Variants in GMDS observed in about 807,000 individuals in gnomAD.
GMDS encodes the protein GDP-mannose 4,6-dehydratase, also known as GDP-mannose 4,6 dehydratase.
GMDS carries 20 observed loss-of-function variants against 49.9 expected under a neutral mutation model. The ratio of observed to expected loss-of-function variants is 0.40; its 90% confidence interval spans 0.28 to 0.58. The LOEUF (loss-of-function observed/expected upper bound fraction) is 0.58, where lower values mean the gene tolerates loss of function less well. GMDS is among the 20% of genes least tolerant of loss of function. The probability of loss-of-function intolerance (pLI) is 0.42; values close to 1 mark genes in which losing one functional copy is unlikely to be tolerated. For missense variants in GMDS, 362 were observed against 481.4 expected, an observed-to-expected ratio of 0.75 and a Z score of 2.32; for synonymous variants, 177 against 178.6, an observed-to-expected ratio of 0.99 and a Z score of 0.07.
chr6:1,634,061 C>T (rs978318940), intron 9 of GMDS, among the ~76,000 whole-genome samples: 1 of 152,236 alleles, frequency 6.6e-6, no homozygotes, highest in African/African-American at 2.4e-5. Context: ...TCTTGCCCTG[C>T]ATGGCCCAAC....
intron 7 of GMDS, among the ~76,000 whole-genome samples, chr6:1,781,206 G>A (rs1435226889): frequency 6.6e-6 from 1 of 152,082 alleles, no homozygotes; most frequent in East Asian, 1.9e-4. Flanking sequence ...CCTCACGAAG[G>A]GGTCTCCAGC....
intron 4 of GMDS, among the ~76,000 whole-genome samples, chr6:2,095,812 A>G (rs1773573038): frequency 6.6e-6 from 1 of 152,204 alleles, no homozygotes; most frequent in African/African-American, 2.4e-5. Flanking sequence ...GTGCTGGATG[A>G]CAACTTTTAA....
At chr6:1,852,478 C>T (rs1337286079) in intron 7 of GMDS, among the ~76,000 whole-genome samples, 1 of 152,214 alleles carries the variant, frequency 6.6e-6, no homozygotes, top group Non-Finnish European at 1.5e-5. Flanking sequence ...GATACATTTT[C>T]TGTCCTGTGC....
chr6:2,127,036 T>C (rs554881907), intron 1 of GMDS, among the ~76,000 whole-genome samples: 3 of 152,314 alleles, frequency 2.0e-5, no homozygotes, highest in East Asian at 3.9e-4. Flanking sequence ...TTTAATCCCA[T>C]TCTTACAATT....
At chr6:1,787,325 A>G (rs1489613922) in intron 7 of GMDS, among the ~76,000 whole-genome samples, 2 of 152,220 alleles carry the variant, frequency 1.3e-5, no homozygotes, top group Admixed American at 6.5e-5. Context: ...TGTACCTCCA[A>G]GTGTACTACA....
At chr6:1,808,626 C>T (rs957224253) in intron 7 of GMDS, among the ~76,000 whole-genome samples, 6 of 152,120 alleles carry the variant, frequency 3.9e-5, no homozygotes, top group Admixed American at 3.3e-4. Flanking sequence ...GTGCCAGGTA[C>T]ATACATACAA....
At chr6:1,788,554 A>G (rs2113629426) in intron 7 of GMDS, among the ~76,000 whole-genome samples, 1 of 152,318 alleles carries the variant, frequency 6.6e-6, no homozygotes. Context: ...AAGGGGAACA[A>G]TAAGACCTGC....
chr6:2,131,051 A>C (rs1178844755), intron 1 of GMDS, among the ~76,000 whole-genome samples: 2 of 152,176 alleles, frequency 1.3e-5, no homozygotes, highest in East Asian at 3.9e-4. Context: ...TTTCACCTCC[A>C]ATAAAAGCCA....
At chr6:2,154,123 G>A (rs770350089) in intron 1 of GMDS, among the ~76,000 whole-genome samples, 60 of 152,120 alleles carry the variant, frequency 3.9e-4, no homozygotes, top group East Asian at 7.7e-4. Context: ...TTCCCAACAC[G>A]CACAATTCCA....
chr6:2,191,320 C>T lies in GMDS; in HGVS notation c.102+54001G>A, dbSNP rs1231832803. 1.3e-5 allele frequency among the ~76,000 whole-genome samples: 2 copies of T among 152,162 alleles called. No individual in the cohort carries two copies. The highest frequency in any genetic ancestry group is 2.9e-5 in the Non-Finnish European group (2 of 67,992). On this transcript the variant is annotated intron_variant, in intron 1 of 10. Coordinates refer to ENST00000380815, the MANE Select transcript of GMDS (RefSeq NM_001500.4). This position sits in a 1 kb window ranked among gnomAD's most constrained non-coding sequence, Gnocchi z 4.6. ...CCTGAGTGCGGGGGCCACGGGGGAGCTCACAGTGATGTCCCTGGACACCAG... is the reference window on the plus strand; with the variant it reads ...CCTGAGTGCGGGGGCCACGGGGGAGTTCACAGTGATGTCCCTGGACACCAG...
intron 9 of GMDS, among the ~76,000 whole-genome samples, chr6:1,680,364 G>A (rs1336748131): frequency 6.6e-6 from 1 of 152,214 alleles, no homozygotes; most frequent in East Asian, 1.9e-4. Context: ...CTGAGTGGCA[G>A]TAAATAAACA....
intron 1 of GMDS, among the ~76,000 whole-genome samples, chr6:2,153,578 C>T (rs948959426): frequency 6.6e-6 from 1 of 151,970 alleles, no homozygotes; most frequent in African/African-American, 2.4e-5. Flanking sequence ...AACTCATAAA[C>T]AGATTTACAG....
At chr6:1,915,156 C>T (rs1307477512) in intron 7 of GMDS, among the ~76,000 whole-genome samples, 1 of 152,228 alleles carries the variant, frequency 6.6e-6, no homozygotes, top group Non-Finnish European at 1.5e-5. Flanking sequence ...CATAAAGAAG[C>T]TGGACACTTG....
chr6:1,935,067 T>A (rs1762461718), intron 6 of GMDS, among the ~76,000 whole-genome samples: 1 of 152,244 alleles, frequency 6.6e-6, no homozygotes, highest in African/African-American at 2.4e-5. Context: ...GGAACCCCTA[T>A]AATTAACTTA....
intron 7 of GMDS, among the ~76,000 whole-genome samples, chr6:1,898,236 G>C (rs544801532): frequency 6.6e-6 from 1 of 152,364 alleles, no homozygotes; most frequent in South Asian, 2.1e-4. Flanking sequence ...AGAGACCCTG[G>C]AGGCCTTTCC....
chr6:1,835,753 A>G (rs902128377), intron 7 of GMDS, among the ~76,000 whole-genome samples: 6 of 152,212 alleles, frequency 3.9e-5, no homozygotes, highest in Admixed American at 6.5e-5. Context: ...TCTTTAAGAT[A>G]TCAATTTGGT....
chr6:1,694,053 G>A (rs995819653), intron 9 of GMDS, among the ~76,000 whole-genome samples: 2 of 152,158 alleles, frequency 1.3e-5, no homozygotes, highest in Non-Finnish European at 2.9e-5. Flanking sequence ...CAGTTCTGAA[G>A]GCACTAAAGA....
chr6:2,027,326 TAG>T (rs1404068420), intron 4 of GMDS, among the ~76,000 whole-genome samples: 1 of 152,184 alleles, frequency 6.6e-6, no homozygotes, highest in Admixed American at 6.5e-5. Context: ...CAGCCAGATA[TAG>T]AGAGATTCAC....
intron 7 of GMDS, among the ~76,000 whole-genome samples, chr6:1,844,528 C>G (rs981416456): frequency 1.1e-4 from 17 of 152,168 alleles, no homozygotes; most frequent in African/African-American, 3.9e-4. Flanking sequence ...TTACAGTTAG[C>G]TTGAGTTTTC....
Sources: gnomAD v4.1 joint callset for allele counts (sites outside exome capture counted in the v4.1 genomes callset) on GRCh38, gnomAD v4.1.1 for gene constraint, Gnocchi (gnomAD v3.1) non-coding constraint, MANE v1.5 for transcripts, NCBI Gene and HGNC (gene_info 2026-07-23, HGNC 2026-07-21) for gene names.